Variants in PLS1 observed in about 807,000 individuals in gnomAD.
PLS1 encodes the protein plastin 1.
A neutral mutation model predicts 73.7 loss-of-function variants in PLS1; 32 were observed. That is an observed-to-expected ratio of 0.43 (90% CI 0.33 to 0.58). PLS1 has a LOEUF of 0.58. Among genes scored for constraint, PLS1 ranks in the 20% least tolerant of loss-of-function variants. PLS1 has a pLI of 0.04. For missense variants in PLS1, 633 were observed against 740.5 expected (o/e 0.85, Z 1.68); for synonymous variants, 217 against 261.3 (o/e 0.83, Z 1.63).
intron 1 of PLS1, among the ~76,000 whole-genome samples, chr3:142,602,624 C>T (rs1577757572): frequency 6.6e-6 from 1 of 152,010 alleles, no homozygotes; most frequent in Middle Eastern, 3.4e-3. Flanking sequence ...TAGGCCCCAG[C>T]TTTGACCTGT....
At chr3:142,618,425 C>G (rs1020250411) in intron 1 of PLS1, among the ~76,000 whole-genome samples, 4 of 152,186 alleles carry the variant, frequency 2.6e-5, no homozygotes, top group African/African-American at 9.7e-5. Context: ...TTAAACAATA[C>G]AAATTTATTA....
chr3:142,681,899 A>G (rs1435912440), intron 6 of PLS1, among the ~76,000 whole-genome samples: 4 of 152,168 alleles, frequency 2.6e-5, no homozygotes. Flanking sequence ...TTTAAAGCCA[A>G]ATTACTTTAA....
At chr3:142,626,537 CATT>C (rs1271107038) in intron 1 of PLS1, among the ~76,000 whole-genome samples, 1 of 152,160 alleles carries the variant, frequency 6.6e-6, no homozygotes, top group African/African-American at 2.4e-5. Flanking sequence ...TTTATCATAT[CATT>C]AACTAATATC....
chr3:142,661,609 G>C (rs377530754), intron 1 of PLS1, among the ~76,000 whole-genome samples: 73 of 152,200 alleles, frequency 4.8e-4, no homozygotes, highest in African/African-American at 1.6e-3. Flanking sequence ...AAATTGATGT[G>C]CTTCACTGAA....
intron 1 of PLS1, among the ~76,000 whole-genome samples, chr3:142,612,471 G>A (rs577108703): frequency 3.3e-5 from 5 of 152,270 alleles, no homozygotes; most frequent in South Asian, 2.1e-4. Flanking sequence ...TCATCATCCC[G>A]GTGGCTCATT....
At chr3:142,636,568 G>T (rs6440098) in intron 1 of PLS1, among the ~76,000 whole-genome samples, 91,710 of 152,044 alleles carry the variant, frequency 0.6, 28,322 homozygotes, top group African/African-American at 0.73. Flanking sequence ...TAGAAAGGGT[G>T]GATAAGTTGG....
intron 1 of PLS1, among the ~76,000 whole-genome samples, chr3:142,604,924 A>T (rs1439602487): frequency 6.8e-6 from 1 of 146,912 alleles, no homozygotes. Flanking sequence ...CAGCAGAGCA[A>T]GACTCCGTCT....
chr3:142,614,896 A>G (rs1248363770), intron 1 of PLS1, among the ~76,000 whole-genome samples: 1 of 151,916 alleles, frequency 6.6e-6, no homozygotes, highest in Non-Finnish European at 1.5e-5. Context: ...GAAGTGTTGA[A>G]TGCTGTTGGG....
At chr3:142,677,359 G>A (rs937055766) in intron 5 of PLS1, among the ~76,000 whole-genome samples, 2 of 152,046 alleles carry the variant, frequency 1.3e-5, no homozygotes, top group African/African-American at 4.8e-5. Context: ...AAAATTCAGG[G>A]TGATGACTGG....
intron 1 of PLS1, among the ~76,000 whole-genome samples, chr3:142,628,118 C>A (rs2036469928): frequency 6.6e-6 from 1 of 152,060 alleles, no homozygotes; most frequent in South Asian, 2.1e-4. Context: ...ACCTTGGTTC[C>A]CTTGAGAACC....
intron 1 of PLS1, among the ~76,000 whole-genome samples, chr3:142,629,423 G>A (rs981365220): frequency 3.3e-5 from 5 of 152,050 alleles, no homozygotes; most frequent in East Asian, 1.9e-4. Context: ...GGCTGGTCTC[G>A]AACTCCTGAC....
intron 9 of PLS1, among the ~76,000 whole-genome samples, chr3:142,689,382 C>T (rs2038040015): frequency 6.6e-6 from 1 of 151,878 alleles, no homozygotes; most frequent in Non-Finnish European, 1.5e-5. Context: ...AAGATCACGC[C>T]ACTGCACTCC....
chr3:142,670,942 C>T (rs2107844208), intron 3 of PLS1, 51 bp from the exon 4 acceptor site: 1 of 1,293,724 alleles, frequency 7.7e-7, no homozygotes, highest in South Asian at 1.3e-5. Flanking sequence ...TCCATTTTGT[C>T]AGGTTTTTAT....
At chr3:142,671,290 A>G (rs536871899) in intron 4 of PLS1, among the ~76,000 whole-genome samples, 168 bp downstream of exon 4, 1 of 152,368 alleles carries the variant, frequency 6.6e-6, no homozygotes, top group East Asian at 1.9e-4. Context: ...TGAATTTGAA[A>G]TACATCTCAG....
At chr3:142,623,124 C>T (rs2036348771) in intron 1 of PLS1, among the ~76,000 whole-genome samples, 1 of 152,024 alleles carries the variant, frequency 6.6e-6, no homozygotes. Flanking sequence ...GTGCCCAGCT[C>T]AACATTGCCA....
intron 6 of PLS1, among the ~76,000 whole-genome samples, chr3:142,682,255 T>C (rs776859292): frequency 1.2e-4 from 19 of 152,142 alleles, no homozygotes; most frequent in African/African-American, 1.9e-4. Flanking sequence ...TAAACTGTCA[T>C]TGATGTTTTA....
chr3:142,686,056 C>G (rs777503393), intron 8 of PLS1, among the ~76,000 whole-genome samples: 25 of 152,122 alleles, frequency 1.6e-4, no homozygotes, highest in Non-Finnish European at 2.6e-4. Context: ...TATCCAGGTG[C>G]AGGAAACAGC....
intron 14 of PLS1, among the ~76,000 whole-genome samples, chr3:142,710,535 AC>A (rs1313464441): frequency 1.3e-5 from 2 of 152,098 alleles, no homozygotes; most frequent in Non-Finnish European, 2.9e-5. Flanking sequence ...CAAGGTTATC[AC>A]CCTACCCCTA....
At chr3:142,634,396 A>G (rs978284931) in intron 1 of PLS1, among the ~76,000 whole-genome samples, 4 of 152,196 alleles carry the variant, frequency 2.6e-5, no homozygotes, top group Admixed American at 1.3e-4. Flanking sequence ...ATCCACTGAT[A>G]AGGATAAAAT....
Sources: gnomAD v4.1 joint callset for allele counts (sites outside exome capture counted in the v4.1 genomes callset) on GRCh38, gnomAD v4.1.1 for gene constraint, MANE v1.5 for transcripts, NCBI Gene and HGNC (gene_info 2026-07-23, HGNC 2026-07-21) for gene names.